NRXN3: variants seen among roughly 807,000 people sequenced by gnomAD.
The protein encoded by NRXN3 is neurexin 3.
Under a neutral mutation model 137.6 loss-of-function variants are expected in NRXN3, and 32 were observed. That is an observed-to-expected ratio of 0.23 (90% CI 0.18 to 0.31). The LOEUF is 0.31. Ranked by LOEUF, NRXN3 falls within the 10% of genes least tolerant of loss-of-function variation. The pLI, the probability that NRXN3 is intolerant of heterozygous loss-of-function variation, is 1.00. For missense variants in NRXN3, 1,574 were observed against 2,062.5 expected (o/e 0.76, Z 4.59); for synonymous variants, 798 against 784.5 (o/e 1.02, Z -0.29).
intron 16 of NRXN3, among the ~76,000 whole-genome samples, chr14:79,478,965 T>A (rs2096583314): frequency 6.6e-6 from 1 of 152,078 alleles, no homozygotes; most frequent in South Asian, 2.1e-4. Context: ...TTTTGGAGCT[T>A]CAGTTTGGAA....
At chr14:78,861,027 G>A (rs891744755) in intron 10 of NRXN3, among the ~76,000 whole-genome samples, 3 of 152,036 alleles carry the variant, frequency 2.0e-5, no homozygotes, top group African/African-American at 7.2e-5. Flanking sequence ...TGGTATAAAT[G>A]GCATTTTTCT....
intron 8 of NRXN3, among the ~76,000 whole-genome samples, chr14:78,749,604 C>T (rs2098631280): frequency 6.6e-6 from 1 of 152,102 alleles, no homozygotes. Flanking sequence ...AAAATTAGAG[C>T]CATCGGTTTA....
intron 15 of NRXN3, among the ~76,000 whole-genome samples, chr14:79,380,289 T>C (rs2094432687): frequency 6.6e-6 from 1 of 151,816 alleles, no homozygotes; most frequent in Admixed American, 6.6e-5. Flanking sequence ...GCTGGTGTGC[T>C]GCACCCATTA....
At chr14:79,440,012 CT>C (rs1232875242) in intron 15 of NRXN3, among the ~76,000 whole-genome samples, 1 of 152,170 alleles carries the variant, frequency 6.6e-6, no homozygotes, top group Non-Finnish European at 1.5e-5. Flanking sequence ...GTATTGAGCA[CT>C]GCGAAGTTCA....
At chr14:78,262,937 C>T (rs568767700) in intron 2 of NRXN3, among the ~76,000 whole-genome samples, 3 of 152,040 alleles carry the variant, frequency 2.0e-5, no homozygotes, top group East Asian at 1.9e-4. Flanking sequence ...AGAGACTTCC[C>T]GATCTACCCT....
At chr14:78,692,883 C>T (rs1349914307) in intron 6 of NRXN3, among the ~76,000 whole-genome samples, 3 of 149,572 alleles carry the variant, frequency 2.0e-5, no homozygotes, top group Non-Finnish European at 4.5e-5. Flanking sequence ...GAGTTCAAGA[C>T]GAGCCTGGCC....
chr14:79,025,285 G>C (rs2099596212), intron 15 of NRXN3, among the ~76,000 whole-genome samples: 1 of 152,096 alleles, frequency 6.6e-6, no homozygotes, highest in Admixed American at 6.6e-5. Flanking sequence ...ACTGTGATTG[G>C]ATAGTTAAAT....
intron 6 of NRXN3, among the ~76,000 whole-genome samples, chr14:78,697,234 C>G (rs1444558301): frequency 6.6e-6 from 1 of 151,914 alleles, no homozygotes. Context: ...AATTTGGGAC[C>G]TCTTTAGACA....
chr14:78,861,610 C>T (rs1400356741), intron 10 of NRXN3, among the ~76,000 whole-genome samples: 1 of 152,080 alleles, frequency 6.6e-6, no homozygotes, highest in Admixed American at 6.6e-5. Flanking sequence ...ATTTTATGCT[C>T]ATGTTGTAAA....
chr14:78,406,002 C>T (rs2092460755), intron 4 of NRXN3, among the ~76,000 whole-genome samples: 1 of 152,070 alleles, frequency 6.6e-6, no homozygotes. Context: ...CCTAACATTG[C>T]AGGTAGTGAA....
chr14:79,003,556 G>A (rs2152346191), intron 15 of NRXN3, among the ~76,000 whole-genome samples: 1 of 152,254 alleles, frequency 6.6e-6, no homozygotes, highest in South Asian at 2.1e-4. Flanking sequence ...GTGAGACCAG[G>A]AAGTGGAAGA....
chr14:79,322,740 A>G (rs1238214991), intron 15 of NRXN3, among the ~76,000 whole-genome samples: 2 of 152,346 alleles, frequency 1.3e-5, no homozygotes, highest in East Asian at 3.9e-4. Context: ...CAGGTCAGGG[A>G]ATTTCAGTTG....
At chr14:78,641,021 A>G (rs2097622252) in intron 4 of NRXN3, among the ~76,000 whole-genome samples, 1 of 152,206 alleles carries the variant, frequency 6.6e-6, no homozygotes, top group South Asian at 2.1e-4. Flanking sequence ...AGCTTGAATA[A>G]ATACAAGGTG....
chr14:78,655,529 T>A (rs778718742), intron 6 of NRXN3, among the ~76,000 whole-genome samples: 2 of 152,130 alleles, frequency 1.3e-5, no homozygotes, highest in Admixed American at 6.5e-5. Context: ...GATGACTTTG[T>A]TTTTTGCCTT....
chr14:79,087,543 G>A (rs2048359832), intron 15 of NRXN3, among the ~76,000 whole-genome samples: 1 of 152,188 alleles, frequency 6.6e-6, no homozygotes, highest in South Asian at 2.1e-4. Context: ...TGCCAGGTAT[G>A]AATAGGGAAA....
At chr14:79,600,295 C>T (rs1020951831) in intron 16 of NRXN3, among the ~76,000 whole-genome samples, 9 of 152,286 alleles carry the variant, frequency 5.9e-5, no homozygotes, top group African/African-American at 1.7e-4. Flanking sequence ...AAACTCTGAG[C>T]TCCTTAGAGA....
At chr14:79,668,342 C>T (rs573783829) in intron 17 of NRXN3, among the ~76,000 whole-genome samples, 9 of 152,090 alleles carry the variant, frequency 5.9e-5, no homozygotes, top group Admixed American at 6.6e-5. Context: ...ACCTTCATAT[C>T]GGTTATTACA....
intron 4 of NRXN3, among the ~76,000 whole-genome samples, chr14:78,380,307 C>A (rs368548887): frequency 1.7e-3 from 170 of 100,454 alleles, no homozygotes; most frequent in South Asian, 2.3e-3. Context: ...GACTCCGTCT[C>A]AAAAAAAAAA....
At chr14:79,177,915 C>A (rs551755781) in intron 15 of NRXN3, among the ~76,000 whole-genome samples, 1 of 152,082 alleles carries the variant, frequency 6.6e-6, no homozygotes, top group Non-Finnish European at 1.5e-5. Context: ...AGGATGATGA[C>A]CTGAGATCTT....
Sources: allele counts gnomAD v4.1 joint callset (sites outside exome capture counted in the v4.1 genomes callset), GRCh38; gene constraint gnomAD v4.1.1; transcripts MANE v1.5; gene names NCBI Gene and HGNC (gene_info 2026-07-23, HGNC 2026-07-21).